PEX26: variants seen among roughly 807,000 people sequenced by gnomAD.
PEX26 encodes peroxisomal biogenesis factor 26.
PEX26 carries 18 observed loss-of-function variants against 31.4 expected under a neutral mutation model. The observed-to-expected ratio is 0.57, with a 90% CI of 0.40 to 0.85. The LOEUF (loss-of-function observed/expected upper bound fraction) is 0.85, where lower values mean the gene tolerates loss of function less well. PEX26 is among the 40% of genes least tolerant of loss of function. PEX26 has a pLI of 0.00. For synonymous variants in PEX26, 176 were observed against 166.9 expected (o/e 1.05, Z -0.42); for missense variants, 377 against 383.9 (o/e 0.98, Z 0.15).
chr22:18,085,219 G>T lies in PEX26; in HGVS notation c.775G>T (p.Ala259Ser). Residue 259 changes from alanine to serine, a missense_variant, in exon 4 of 5, where the codon GCC (alanine) becomes TCC (serine). Ala to Ser is a moderately conservative substitution (Grantham distance 99). Coordinates refer to ENST00000399744, the MANE Select transcript of PEX26 (RefSeq NM_001127649.3). ...SLPFKKSLLA[A>S]LILCLLVVRF... ...GCCCTTCAAAAAGAGTCTCCTGGCT[G>T]CCTTGATCCTCTGTCTCCTGGTGGT... 1.2e-6 allele frequency: 2 copies of T among 1,614,150 alleles called. No homozygotes were observed. Among genetic ancestry groups the T allele is most frequent in the Non-Finnish European group, 1.7e-6 (2 of 1,180,010 alleles).
chr22:18,078,954 G>A (rs1236897092), intron 1 of PEX26: 1 of 429,390 alleles, frequency 2.3e-6, no homozygotes, highest in East Asian at 5.5e-5. Context: ...CCCGCCCAAG[G>A]TTGTTTATTC....
intron 1 of PEX26, among the ~76,000 whole-genome samples, chr22:18,079,649 G>T (rs1926466642): frequency 6.6e-6 from 1 of 152,140 alleles, no homozygotes; most frequent in African/African-American, 2.4e-5. Context: ...GATGAACGTT[G>T]AGCAACAGCT....
At position 18,097,033 on chromosome 22, in the gene PEX26, G is replaced by C. The variant is rs1927316984; in HGVS notation, c.*8958G>C. On this transcript the variant is annotated 3_prime_UTR_variant, in exon 5 of 5. Transcript: ENST00000399744. The stretch of plus-strand genomic sequence containing the variant: ...AGCAGCAGAGAGAATGAGGGGGGAT[G>C]CCACACTTTAAAACCATCAGAACTC... The C allele has an allele frequency of 6.6e-6, 1 of 152,152 alleles. No homozygotes were observed. Among genetic ancestry groups the C allele is most frequent in the African/African-American group, 2.4e-5 (1 of 41,412 alleles). 9.4% of individuals were successfully genotyped at this position (152,152 alleles called of 1,614,324 possible).
Position 18,089,943 on chromosome 22 carries a change from C to G in PEX26, c.*1868C>G, listed in dbSNP as rs1171972265. The G allele has an allele frequency of 6.6e-6, 1 of 152,178 alleles. No homozygotes were observed. Among genetic ancestry groups the G allele is most frequent in the Non-Finnish European group, 1.5e-5 (1 of 68,060 alleles). The allele number at this position is 152,178 out of a possible 1,614,324, so 9.4% of individuals were successfully genotyped here. A position where few individuals can be genotyped will look rare whatever the true frequency, so the allele number is the denominator to read the frequency against. ...GGTCTCGATCTCCTGAACTTGTGAT[C>G]CACCCACCTAGGCCTCCCAAAGTGC... On this transcript the variant is annotated 3_prime_UTR_variant, in exon 5 of 5. Coordinates refer to ENST00000399744, the MANE Select transcript of PEX26 (RefSeq NM_001127649.3).
At position 18,096,565 on chromosome 22, in the gene PEX26, C is replaced by T. The variant is rs1927299766; in HGVS notation, c.*8490C>T. ...TCCCGAATAGCTGGGACTACAGGCG[C>T]CCGCCACCACACCCGGCTAATTTTT... On this transcript the variant is annotated 3_prime_UTR_variant, in exon 5 of 5. Transcript: ENST00000399744. 2.0e-5 allele frequency: 3 copies of T among 151,828 alleles called. No homozygotes were observed. Among genetic ancestry groups the T allele is most frequent in the Admixed American group, 1.3e-4 (2 of 15,254 alleles). 9.4% of individuals were successfully genotyped at this position (151,828 alleles called of 1,614,324 possible).
At chr22:18,080,132 C>A in intron 2 of PEX26, 118 bp downstream of exon 2, 1 of 1,120,414 alleles carries the variant, frequency 8.9e-7, no homozygotes, top group Non-Finnish European at 1.3e-6. Context: ...CGGATTCTTT[C>A]CCTTCACTTT....
chr22:18,088,105 C>A lies in PEX26; in HGVS notation c.*30C>A. 1 of 1,423,198 alleles carries A rather than the reference C, an allele frequency of 7.0e-7. No homozygotes were observed. Among genetic ancestry groups the A allele is most frequent in the Non-Finnish European group, 9.9e-7 (1 of 1,009,142 alleles). The allele number at this position is 1,423,198 out of a possible 1,614,324, so 88.2% of individuals were successfully genotyped here. On this transcript the variant is annotated 3_prime_UTR_variant, in exon 5 of 5. Transcript: ENST00000399744. This position sits in a 1 kb window ranked among gnomAD's most constrained non-coding sequence, Gnocchi z 4.1. ...CCCTGCGCACCACAGCCTCTCTGCT[C>A]CTCACGTCCGTGGCCACAGAAGCAG...
rs1402182992 is a variant in PEX26 at position 18,093,049 on chromosome 22, CAG to C, written c.*4977_*4978del. On this transcript the variant is annotated 3_prime_UTR_variant, in exon 5 of 5. Coordinates refer to ENST00000399744, the MANE Select transcript of PEX26 (RefSeq NM_001127649.3). ...AAGCAAAGGATACACATACTTAAAA[CAG>C]AGCTCAGGAGCAGACACGCAGTCCT... The C allele has an allele frequency of 1.3e-5, 2 of 152,078 alleles. No individual in the cohort carries two copies. Among genetic ancestry groups the C allele is most frequent in the African/African-American group, 4.8e-5 (2 of 41,396 alleles). The allele number at this position is 152,078 out of a possible 1,614,324, so 9.4% of individuals were successfully genotyped here. A position where few individuals can be genotyped will look rare whatever the true frequency, so the allele number is the denominator to read the frequency against.
Position 18,079,884 on chromosome 22 carries a change from G to A in PEX26, c.241G>A (p.Val81Met). The change falls in exon 2 of 5, where the codon GTG becomes ATG. Residue 81 changes from valine to methionine, a missense_variant. Transcript: ENST00000399744. ...TTTTTCTGCTGACAGCTCATTGGAG[G>A]TGAAGTGCTCCCTGTGTGTTGTGGG... The part of the protein sequence containing the change: ...AEEPAGTSLE[V>M]KCSLCVVGIQ... 1 of 1,614,170 alleles carries A rather than the reference G, an allele frequency of 6.2e-7. No individual in the cohort carries two copies. Among genetic ancestry groups the A allele is most frequent in the Non-Finnish European group, 8.5e-7 (1 of 1,180,034 alleles).
intron 3 of PEX26, 39 bp downstream of exon 3, chr22:18,083,771 T>C (rs1926721604): frequency 6.3e-7 from 1 of 1,598,192 alleles, no homozygotes; most frequent in East Asian, 2.2e-5. Context: ...TAAAGTGGAC[T>C]TGCGGGCTTG....
At position 18,103,865 on chromosome 22, in the gene PEX26, C is replaced by T. The variant is rs1602480700; in HGVS notation, c.*15790C>T. On this transcript the variant is annotated 3_prime_UTR_variant, in exon 5 of 5. Coordinates refer to ENST00000399744, the MANE Select transcript of PEX26 (RefSeq NM_001127649.3). ...TGCATATGAAAGTGCTGTGAAATCA[C>T]CAAGGGCTGAGTAGAACAGTTAAGA... 6.6e-6 allele frequency: 1 copy of T among 152,172 alleles called. No individual in the cohort carries two copies. Among genetic ancestry groups the T allele is most frequent in the African/African-American group, 2.4e-5 (1 of 41,432 alleles). 9.4% of individuals were successfully genotyped at this position (152,172 alleles called of 1,614,324 possible). A position where few individuals can be genotyped will look rare whatever the true frequency, so the allele number is the denominator to read the frequency against.
intron 1 of PEX26, chr22:18,078,961 A>G: frequency 2.4e-6 from 1 of 411,588 alleles, no homozygotes; most frequent in Non-Finnish European, 4.7e-6. Flanking sequence ...AAGGTTGTTT[A>G]TTCCTGACCT....
chr22:18,088,089 C>T lies in PEX26; in HGVS notation c.*14C>T. 1 of 1,532,718 alleles carries T rather than the reference C, an allele frequency of 6.5e-7. No individual in the cohort carries two copies. The highest frequency in any genetic ancestry group is 9.0e-7 in the Non-Finnish European group (1 of 1,107,706). The allele number at this position is 1,532,718 out of a possible 1,614,324, so 94.9% of individuals were successfully genotyped here. A position where few individuals can be genotyped will look rare whatever the true frequency, so the allele number is the denominator to read the frequency against. On this transcript the variant is annotated 3_prime_UTR_variant, in exon 5 of 5. Coordinates refer to ENST00000399744, the MANE Select transcript of PEX26 (RefSeq NM_001127649.3). This position sits in a 1 kb window ranked among gnomAD's most constrained non-coding sequence, Gnocchi z 4.1. ...ATCCGTGACTGAGGGTCCCTGCGCA[C>T]CACAGCCTCTCTGCTCCTCACGTCC...
intron 4 of PEX26, among the ~76,000 whole-genome samples, chr22:18,085,745 G>T (rs1926817330): frequency 1.3e-5 from 2 of 152,090 alleles, no homozygotes; most frequent in African/African-American, 4.8e-5. Flanking sequence ...AGTGGCACAT[G>T]CCTGTAGTCC....
Position 18,083,674 on chromosome 22 carries a change from G to A in PEX26, c.609G>A (p.Arg203=). Residue 203 remains arginine (R), a synonymous_variant, in exon 3 of 5, where the codon AGG becomes AGA. Transcript: ENST00000399744. ...LDVLQAIHTA[R]QQQKQEHSGS... ...TACTTCAGGCCATTCACACAGCGAGGCAGCAGCAGAAACAGGAACACTCAG... is the reference window on the plus strand; with the variant it reads ...TACTTCAGGCCATTCACACAGCGAGACAGCAGCAGAAACAGGAACACTCAG... The A allele has an allele frequency of 1.9e-6, 3 of 1,614,134 alleles. No homozygotes were observed. Among genetic ancestry groups the A allele is most frequent in the South Asian group, 2.2e-5 (2 of 91,080 alleles).
In PEX26 at chr22:18,088,268, A is replaced by G; in HGVS notation, c.*193A>G. On this transcript the variant is annotated 3_prime_UTR_variant, in exon 5 of 5. Transcript: ENST00000399744. This position sits in a 1 kb window ranked among gnomAD's most constrained non-coding sequence, Gnocchi z 4.1. ...GCTGGTCGCGGTAGATGATGTGGAAACAAAGCAGGACCAGCAGGCACAGCA... is the reference window on the plus strand; with the variant it reads ...GCTGGTCGCGGTAGATGATGTGGAAGCAAAGCAGGACCAGCAGGCACAGCA... 1 of 691,310 alleles carries G rather than the reference A, an allele frequency of 1.4e-6. No homozygotes were observed. The highest frequency in any genetic ancestry group is 2.7e-6 in the Non-Finnish European group (1 of 376,504). 42.8% of individuals were successfully genotyped at this position (691,310 alleles called of 1,614,324 possible).
Position 18,088,322 on chromosome 22 carries a change from A to T in PEX26, c.*247A>T. On this transcript the variant is annotated 3_prime_UTR_variant, in exon 5 of 5. Coordinates refer to ENST00000399744, the MANE Select transcript of PEX26 (RefSeq NM_001127649.3). This position sits in a 1 kb window ranked among gnomAD's most constrained non-coding sequence, Gnocchi z 4.1. The stretch of plus-strand genomic sequence containing the variant: ...CCAGAACAGTGCCCCGGATGACCAG[A>T]GGCCCCTTGAAAAGGAGGGGTTTGG... The T allele has an allele frequency of 1.6e-6, 1 of 626,774 alleles. No homozygotes were observed. The allele number at this position is 626,774 out of a possible 1,614,324, so 38.8% of individuals were successfully genotyped here. A position where few individuals can be genotyped will look rare whatever the true frequency, so the allele number is the denominator to read the frequency against.
At chr22:18,080,756 A>G (rs1205988557) in intron 2 of PEX26, among the ~76,000 whole-genome samples, 2 of 152,198 alleles carry the variant, frequency 1.3e-5, no homozygotes, top group South Asian at 2.1e-4. Context: ...CCATCACCTC[A>G]TGCATTTATC....
At chr22:18,084,108 C>T (rs532792740) in intron 3 of PEX26, among the ~76,000 whole-genome samples, 8 of 152,282 alleles carry the variant, frequency 5.3e-5, no homozygotes, top group African/African-American at 1.9e-4. Flanking sequence ...GCTGGGATAG[C>T]CAAAGGAATA....
Sources: gnomAD v4.1 joint callset for allele counts (sites outside exome capture counted in the v4.1 genomes callset) on GRCh38, gnomAD v4.1.1 for gene constraint, Gnocchi (gnomAD v3.1) non-coding constraint, MANE v1.5 for transcripts, NCBI Gene and HGNC (gene_info 2026-07-23, HGNC 2026-07-21) for gene names.